The following RANBP2 variants were observed in gnomAD, a reference collection of about 807,000 sequenced individuals.
RANBP2 encodes RAN binding protein 2.
Under a neutral mutation model 303.6 loss-of-function variants are expected in RANBP2, and 57 were observed. That is an observed-to-expected ratio of 0.19 (90% CI 0.15 to 0.23). The LOEUF is 0.23. Ranked by LOEUF, RANBP2 falls within the 10% of genes least tolerant of loss-of-function variation. RANBP2 has a pLI of 1.00. For missense variants in RANBP2, 3,138 were observed against 3,780.8 expected (o/e 0.83, Z 4.46); for synonymous variants, 1,167 against 1,301.5 (o/e 0.90, Z 2.23).
the RANBP2 span, among the ~76,000 whole-genome samples, chr2:108,821,178 T>G: frequency 1.3e-5 from 2 of 152,090 alleles, no homozygotes; most frequent in Non-Finnish European, 2.9e-5. Context: ...GCCAACATGG[T>G]GAAACCCCAT....
intron 1 of RANBP2, among the ~76,000 whole-genome samples, chr2:108,720,879 C>T (rs540368700): frequency 6.6e-6 from 1 of 152,220 alleles, no homozygotes; most frequent in South Asian, 2.1e-4. Flanking sequence ...TACCTCGTCT[C>T]TACTAAAAAT....
the RANBP2 span, among the ~76,000 whole-genome samples, chr2:109,495,477 C>CTTTTTTTTTTTTTTTT: frequency 2.1e-5 from 2 of 94,240 alleles, no homozygotes; most frequent in Admixed American, 1.2e-4. Flanking sequence ...TCTTTCATTC[C>CTTTTTTTTTTTTTTTT]TTTTTTTTTT....
In RANBP2 at chr2:108,746,648, A is replaced by G. The variant is rs1696542695; in HGVS notation, c.976-63A>G. On this transcript the variant is annotated intron_variant, in intron 7 of 28. Coordinates refer to ENST00000283195, the MANE Select transcript of RANBP2 (RefSeq NM_006267.5). ...AAAAAAGTACAGTGTAATAGATAAG[A>G]CCATGTTACTATTAGAAGTATGGGT... 9.6e-6 allele frequency: 10 copies of G among 1,038,482 alleles called. No homozygotes were observed. The East Asian group carries it at 2.6e-4, about 27-fold the overall frequency. 64.3% of individuals were successfully genotyped at this position (1,038,482 alleles called of 1,614,324 possible).
chr2:109,154,509 G>T, the RANBP2 span, among the ~76,000 whole-genome samples: 1 of 152,324 alleles, frequency 6.6e-6, no homozygotes, highest in South Asian at 2.1e-4. Flanking sequence ...TCCTCAGCTG[G>T]CTTGAATTCT....
the RANBP2 span, chr2:109,347,641 G>T: frequency 2.5e-6 from 4 of 1,603,980 alleles, no homozygotes; most frequent in Middle Eastern, 1.7e-4. Context: ...GAAGGGGCAT[G>T]CCCGGTGACC....
At chr2:109,263,373 G>A in the RANBP2 span, among the ~76,000 whole-genome samples, 7 of 152,146 alleles carry the variant, frequency 4.6e-5, no homozygotes, top group Non-Finnish European at 7.3e-5. Context: ...TCTGGAATGT[G>A]TTTATTTTGT....
the RANBP2 span, among the ~76,000 whole-genome samples, chr2:109,022,300 A>G: frequency 2.6e-5 from 4 of 152,090 alleles, no homozygotes; most frequent in African/African-American, 9.7e-5. Context: ...CGCCCCACTC[A>G]CTCATGTGCC....
the RANBP2 span, among the ~76,000 whole-genome samples, chr2:109,576,975 CAAG>C: frequency 2.0e-5 from 3 of 151,980 alleles, no homozygotes; most frequent in Non-Finnish European, 2.9e-5. Flanking sequence ...TATTCAGAGT[CAAG>C]AACTCAAACA....
the RANBP2 span, among the ~76,000 whole-genome samples, chr2:109,731,811 G>A: frequency 1.3e-5 from 2 of 151,372 alleles, no homozygotes; most frequent in South Asian, 2.1e-4. Context: ...AAGCTGGAGG[G>A]TTTGATACTT....
the RANBP2 span, among the ~76,000 whole-genome samples, chr2:108,954,164 T>C: frequency 1.3e-5 from 2 of 152,324 alleles, no homozygotes; most frequent in Admixed American, 6.5e-5. Context: ...CCTGCAGTTA[T>C]GGCAACCTAG....
the RANBP2 span, among the ~76,000 whole-genome samples, chr2:109,261,232 G>A: frequency 6.6e-6 from 1 of 152,232 alleles, no homozygotes; most frequent in Admixed American, 6.5e-5. Flanking sequence ...CGAGGGCCCT[G>A]GCTGATGGCT....
At chr2:109,357,267 C>T in the RANBP2 span, among the ~76,000 whole-genome samples, 178 of 151,968 alleles carry the variant, frequency 1.2e-3, no homozygotes, top group African/African-American at 4.1e-3. Flanking sequence ...CTGCAAGCTC[C>T]GCCTCCCAGG....
Position 108,764,516 on chromosome 2 carries a change from C to A in RANBP2, c.3977C>A (p.Pro1326His), listed in dbSNP as rs201239518. 1 of 1,613,858 alleles carries A rather than the reference C, an allele frequency of 6.2e-7. No individual in the cohort carries two copies. The highest frequency in any genetic ancestry group is 8.5e-7 in the Non-Finnish European group (1 of 1,179,946). The change falls in exon 20 of 29, where the codon CCC becomes CAC. Residue 1326 changes from proline (P) to histidine (H), a missense_variant. By Grantham distance (77) the Pro-to-His change is moderately conservative. This residue lies in a region of RANBP2 where 388 missense variants were observed against 328.5 expected (regional missense o/e 1.18). Transcript: ENST00000283195. Reference sequence around the variant, plus strand: ...CAGGCTGTCAGAATTGTAAAAGAACCCACAAGTCATGATAACAAGGATATT... The same window carrying A: ...CAGGCTGTCAGAATTGTAAAAGAACACACAAGTCATGATAACAAGGATATT... ...SNQAVRIVKE[P>H]TSHDNKDICK...
chr2:109,301,564 C>G, the RANBP2 span, among the ~76,000 whole-genome samples: 106 of 152,312 alleles, frequency 7.0e-4, 1 homozygote, highest in African/African-American at 2.5e-3. Context: ...ACCACAGCCT[C>G]TGACAGCCTA....
At chr2:109,130,465 C>A in the RANBP2 span, among the ~76,000 whole-genome samples, 2 of 152,206 alleles carry the variant, frequency 1.3e-5, no homozygotes, top group African/African-American at 2.4e-5. Context: ...CCAGACACTC[C>A]CTCTGCACAC....
chr2:109,541,587 C>T, the RANBP2 span, among the ~76,000 whole-genome samples: 1 of 152,206 alleles, frequency 6.6e-6, no homozygotes, highest in Non-Finnish European at 1.5e-5. Flanking sequence ...GATTTATAAA[C>T]CCATTCCTTA....
At chr2:108,744,812 T>C (rs182490683) in intron 7 of RANBP2, among the ~76,000 whole-genome samples, 2 of 152,368 alleles carry the variant, frequency 1.3e-5, no homozygotes, top group East Asian at 1.9e-4. Flanking sequence ...TCCCTAGTTA[T>C]TTACTTTCTC....
chr2:108,777,023 C>T, intron 24 of RANBP2, 107 bp from the exon 25 acceptor site: 3 of 911,162 alleles, frequency 3.3e-6, no homozygotes, highest in Non-Finnish European at 5.2e-6. Flanking sequence ...AATAACTCCC[C>T]TCATCCCAGA....
At chr2:109,196,021 C>T in the RANBP2 span, among the ~76,000 whole-genome samples, 3 of 152,248 alleles carry the variant, frequency 2.0e-5, no homozygotes, top group African/African-American at 2.4e-5. Context: ...TCTGTACGCA[C>T]ACCTGTTTTT....
Sources: gnomAD v4.1 joint callset for allele counts (sites outside exome capture counted in the v4.1 genomes callset) on GRCh38, gnomAD v4.1.1 for gene constraint, gnomAD v4.1.1 regional missense constraint, MANE v1.5 for transcripts, NCBI Gene and HGNC (gene_info 2026-07-23, HGNC 2026-07-21) for gene names.